NID2: variants seen among roughly 807,000 people sequenced by gnomAD.
NID2 encodes the protein nidogen-2.
In NID2, 83 loss-of-function variants were observed where a neutral mutation model predicts 145.4. The ratio of observed to expected loss-of-function variants is 0.57; its 90% CI spans 0.48 to 0.69. NID2 has a LOEUF of 0.69. Among genes scored for constraint, NID2 ranks in the 30% least tolerant of loss-of-function variants. The pLI, the probability that NID2 is intolerant of heterozygous loss-of-function variation, is 0.00. For missense variants in NID2, 1,807 were observed against 1,765.7 expected, an observed-to-expected ratio of 1.02 and a Z score of -0.42; for synonymous variants, 739 against 701.3, an observed-to-expected ratio of 1.05 and a Z score of -0.85.
At chr14:52,006,823 C>T in intron 19 of NID2, 163 bp from the exon 20 acceptor site, 2 of 603,116 alleles carry the variant, frequency 3.3e-6, no homozygotes, top group Non-Finnish European at 5.4e-6. Context: ...TTACTAGTCT[C>T]CAGTTTTTAG....
chr14:52,037,730 A>G (rs1892122522), intron 9 of NID2, among the ~76,000 whole-genome samples: 1 of 152,252 alleles, frequency 6.6e-6, no homozygotes, highest in African/African-American at 2.4e-5. Context: ...TAATAGATCA[A>G]TTTGGGAAGT....
chr14:52,031,511 T>C (rs1366626831), intron 9 of NID2, among the ~76,000 whole-genome samples: 1 of 152,194 alleles, frequency 6.6e-6, no homozygotes, highest in Non-Finnish European at 1.5e-5. Flanking sequence ...TTGAGCCATC[T>C]CTGCTACAAA....
chr14:52,048,107 A>G (rs888358045), intron 5 of NID2, among the ~76,000 whole-genome samples: 8 of 152,322 alleles, frequency 5.3e-5, no homozygotes, highest in African/African-American at 1.9e-4. Context: ...AATGTCGTTA[A>G]CAAATTTAAT....
At chr14:52,012,184 C>A (rs572307592) in intron 16 of NID2, among the ~76,000 whole-genome samples, 3 of 152,260 alleles carry the variant, frequency 2.0e-5, no homozygotes, top group Admixed American at 1.3e-4. Flanking sequence ...TAAAATTTGC[C>A]ACTATATGCC....
rs763319248 is a variant in NID2, at chr14:52,005,489, C to T, written c.4125G>A (p.Lys1375=). The change falls in exon 22 of 22, where the codon AAG becomes AAA. Residue 1375 remains lysine (K), a synonymous_variant. Coordinates refer to ENST00000216286, the MANE Select transcript of NID2 (RefSeq NM_007361.4). ...GTCTTCCTTTACATTACTGTACTTA[C>T]TTTCTTCCTGTGAGAGAAGAGCAGG... ...AVYPYCPTGR[K] 1.9e-6 allele frequency: 3 copies of T among 1,597,870 alleles called. No individual in the cohort carries two copies. The African/African-American group carries it at 4.1e-5, about 22-fold the overall frequency.
chr14:52,063,707 C>T (rs1893094324), intron 2 of NID2, among the ~76,000 whole-genome samples: 1 of 152,218 alleles, frequency 6.6e-6, no homozygotes, highest in Admixed American at 6.5e-5. Flanking sequence ...CTCAGGACCA[C>T]ATGTCCTCTA....
chr14:52,040,736 G>A lies in NID2; in HGVS notation c.1941C>T (p.Asn647=). Reference sequence around the variant, plus strand: ...AGACGTAAGGCACCTGGCCTTGAATGTTGGTCTTAATGCTCAGGTAGTTCT... The same window carrying A: ...AGACGTAAGGCACCTGGCCTTGAATATTGGTCTTAATGCTCAGGTAGTTCT... ...DPENYLSIKT[N]IQGQVPYVSA... is the part of the protein sequence containing the mutation. Residue 647 remains asparagine (N), a synonymous_variant, in exon 8 of 22, where the codon AAC becomes AAT. Transcript: ENST00000216286. 2 of 1,614,166 alleles carry A rather than the reference G, an allele frequency of 1.2e-6. No homozygotes were observed. The highest frequency in any genetic ancestry group is 1.7e-6 in the Non-Finnish European group (2 of 1,180,016).
intron 15 of NID2, among the ~76,000 whole-genome samples, chr14:52,014,813 T>C (rs1891158951): frequency 6.7e-6 from 1 of 149,796 alleles, no homozygotes; most frequent in Non-Finnish European, 1.5e-5. Context: ...GGAGGGGGAG[T>C]AACTGCCTGC....
At chr14:52,065,232 C>A (rs563817472) in intron 2 of NID2, among the ~76,000 whole-genome samples, 1 of 152,294 alleles carries the variant, frequency 6.6e-6, no homozygotes, top group South Asian at 2.1e-4. Flanking sequence ...TGCTTTGAAT[C>A]TTCCAGTTTC....
Position 52,038,809 on chromosome 14 carries a change from A to G in NID2, c.2195T>C (p.Leu732Ser), listed in dbSNP as rs1312912880. 2 of 1,613,136 alleles carry G rather than the reference A, an allele frequency of 1.2e-6. No homozygotes were observed. Among genetic ancestry groups the G allele is most frequent in the Non-Finnish European group, 8.5e-7 (1 of 1,179,702 alleles). Residue 732 changes from leucine (L) to serine (S), a missense_variant, in exon 9 of 22, where the codon TTG becomes TCG. By Grantham distance (145) the Leu-to-Ser change is moderately radical (BLOSUM62 -2). Transcript: ENST00000216286. ...AAGCACTCTTTCTTCGTCATTATAC[A>G]AGGCAAAGACCCGGTCCACGTTCAG... ...QQLNVDRVFA[L>S]YNDEERVLRF...
intron 11 of NID2, 53 bp from the exon 12 acceptor site, chr14:52,027,397 G>C (rs1167944348): frequency 1.4e-6 from 2 of 1,433,876 alleles, no homozygotes; most frequent in Admixed American, 2.6e-5. Flanking sequence ...CAAAGGATGA[G>C]CCTCACTCCT....
chr14:52,031,101 C>T (rs973934693), intron 9 of NID2, among the ~76,000 whole-genome samples: 3 of 152,178 alleles, frequency 2.0e-5, no homozygotes, highest in African/African-American at 7.2e-5. Flanking sequence ...CTTTCCACCG[C>T]TTTGCTGCAA....
In NID2 at chr14:52,060,363, G is replaced by GTA; in HGVS notation, c.535-8_535-7insTA. On this transcript the variant is annotated splice_region_variant and splice_polypyrimidine_tract_variant and intron_variant, in intron 2 of 21. Transcript: ENST00000216286. ...CTGCCTGGAAAGTGTTCAGCTGTGA[G>GTA]GAAAAAAAAAAAAAAAGAGAGAGAG... is the stretch of plus-strand genomic sequence containing the variant. The GTA allele has an allele frequency of 2.9e-6, 3 of 1,032,064 alleles. No individual in the cohort carries two copies. The highest frequency in any genetic ancestry group is 2.0e-5 in the African/African-American group (1 of 50,370). The allele number at this position is 1,032,064 out of a possible 1,614,324, so 63.9% of individuals were successfully genotyped here. A position where few individuals can be genotyped will look rare whatever the true frequency, so the allele number is the denominator to read the frequency against.
chr14:52,015,065 G>T lies in NID2; in HGVS notation c.3239C>A (p.Thr1080Asn). ...GGCCAGGTGCTTACACGCAGGGGTG[G>T]TGCCTGGCTGGGAGCGGGTGCCCTG... The part of the protein sequence containing the change: ...EVQGTRSQPG[T>N]TPACIPTVAP... The change falls in exon 15 of 22, where the codon ACC becomes AAC. Residue 1080 changes from threonine (T) to asparagine (N), a missense_variant. Coordinates refer to ENST00000216286, the MANE Select transcript of NID2 (RefSeq NM_007361.4). 1.2e-6 allele frequency: 2 copies of T among 1,613,496 alleles called. No homozygotes were observed. Among genetic ancestry groups the T allele is most frequent in the South Asian group, 2.2e-5 (2 of 90,962 alleles).
At chr14:52,030,567 A>AAAGAAC (rs1185429260) in intron 9 of NID2, among the ~76,000 whole-genome samples, 1 of 99,272 alleles carries the variant, frequency 1.0e-5, no homozygotes, top group Non-Finnish European at 2.0e-5. Flanking sequence ...AAAGAAAGAA[A>AAAGAAC]GGAAGGAAGG....
At position 52,011,697 on chromosome 14, in the gene NID2, A is replaced by G; in HGVS notation, c.3421-14T>C. On this transcript the variant is annotated splice_polypyrimidine_tract_variant and intron_variant, in intron 16 of 21. Coordinates refer to ENST00000216286, the MANE Select transcript of NID2 (RefSeq NM_007361.4). ...GATTATGGAGCCCTTTGTGCATCAA[A>G]TCATAGAATTAGAAGAATTAGGTTA... 6.2e-7 allele frequency: 1 copy of G among 1,614,028 alleles called. No individual in the cohort carries two copies. The highest frequency in any genetic ancestry group is 8.5e-7 in the Non-Finnish European group (1 of 1,179,980).
chr14:52,015,545 G>C (rs956863670), intron 14 of NID2, among the ~76,000 whole-genome samples: 2 of 152,184 alleles, frequency 1.3e-5, no homozygotes, highest in African/African-American at 4.8e-5. Context: ...AAGAACAAGA[G>C]GAGGTAAGAT....
intron 12 of NID2, among the ~76,000 whole-genome samples, chr14:52,024,640 T>C (rs1004267169): frequency 6.6e-6 from 1 of 152,168 alleles, no homozygotes; most frequent in African/African-American, 2.4e-5. Flanking sequence ...GGGTAATTTA[T>C]TATACAGCAA....
At chr14:52,031,824 T>TAC (rs1184177894) in intron 9 of NID2, among the ~76,000 whole-genome samples, 3 of 152,256 alleles carry the variant, frequency 2.0e-5, no homozygotes, top group Non-Finnish European at 2.9e-5. Context: ...TCTTGTCTTA[T>TAC]ACTGAGCCTT....
Sources: gnomAD v4.1 joint callset for allele counts (sites outside exome capture counted in the v4.1 genomes callset) on GRCh38, gnomAD v4.1.1 for gene constraint, MANE v1.5 for transcripts, NCBI Gene and HGNC (gene_info 2026-07-23, HGNC 2026-07-21) for gene names.